Variants in SEMA3A observed in about 807,000 individuals in gnomAD.
The protein encoded by SEMA3A is semaphorin-3A.
SEMA3A carries 29 observed loss-of-function variants against 97.9 expected under a neutral mutation model. That is an observed-to-expected ratio of 0.30 (90% CI 0.22 to 0.40). The LOEUF (loss-of-function observed/expected upper bound fraction) is 0.40, where lower values mean the gene tolerates loss of function less well. SEMA3A is among the 10% of genes least tolerant of loss of function. SEMA3A has a pLI of 1.00. For missense variants in SEMA3A, 763 were observed against 951.3 expected (o/e 0.80, Z 2.60); for synonymous variants, 321 against 323.7 (o/e 0.99, Z 0.09).
At chr7:84,132,689 T>TGAGACGGAG (rs1796001936) in intron 2 of SEMA3A, among the ~76,000 whole-genome samples, 1 of 101,518 alleles carries the variant, frequency 9.9e-6, no homozygotes, top group African/African-American at 3.7e-5. Context: ...TTTTTTTTTT[T>TGAGACGGAG]TTTTGAGACG....
At chr7:84,431,537 A>G (rs1464301079) in intron 1 of SEMA3A, among the ~76,000 whole-genome samples, 3 of 152,040 alleles carry the variant, frequency 2.0e-5, no homozygotes, top group African/African-American at 7.2e-5. Context: ...CTCAATGACT[A>G]AAGCATTTTT....
chr7:84,401,409 TA>T (rs1249815422), intron 1 of SEMA3A, among the ~76,000 whole-genome samples: 1 of 151,318 alleles, frequency 6.6e-6, no homozygotes, highest in Non-Finnish European at 1.5e-5. Context: ...AGAATTGTGT[TA>T]AAATGTTGAT....
At chr7:84,388,716 T>C (rs1009857377) in intron 1 of SEMA3A, among the ~76,000 whole-genome samples, 9 of 152,046 alleles carry the variant, frequency 5.9e-5, no homozygotes, top group Non-Finnish European at 1.2e-4. Flanking sequence ...AGCACAAATA[T>C]GTTTTTAGTA....
intron 1 of SEMA3A, among the ~76,000 whole-genome samples, chr7:84,165,029 G>A (rs1344957250): frequency 6.6e-6 from 1 of 152,020 alleles, no homozygotes; most frequent in Non-Finnish European, 1.5e-5. Context: ...GCAACATGGC[G>A]AAACCCCGTC....
intron 2 of SEMA3A, among the ~76,000 whole-genome samples, chr7:84,132,662 G>GGT (rs1795999108): frequency 3.5e-5 from 3 of 86,630 alleles, no homozygotes; most frequent in African/African-American, 1.2e-4. Context: ...TCGACTTGGT[G>GGT]TTTTTTTTTT....
chr7:84,062,604 T>A (rs1056782470), intron 4 of SEMA3A, among the ~76,000 whole-genome samples: 1 of 152,186 alleles, frequency 6.6e-6, no homozygotes, highest in African/African-American at 2.4e-5. Flanking sequence ...TTGCCTCACT[T>A]GGGAAGCGCA....
At chr7:84,066,189 A>G (rs908458154) in intron 4 of SEMA3A, among the ~76,000 whole-genome samples, 3 of 152,122 alleles carry the variant, frequency 2.0e-5, no homozygotes, top group African/African-American at 2.4e-5. Context: ...ATCGCAATAG[A>G]TGCAGAAAAA....
chr7:84,132,284 G>T (rs1584012819), intron 2 of SEMA3A, among the ~76,000 whole-genome samples: 1 of 152,150 alleles, frequency 6.6e-6, no homozygotes, highest in South Asian at 2.1e-4. Context: ...CACGATTTTG[G>T]ACAAATCATT....
chr7:84,209,683 A>C (rs1373173068), intron 3 of SEMA3A, among the ~76,000 whole-genome samples: 5 of 152,224 alleles, frequency 3.3e-5, no homozygotes, highest in African/African-American at 4.8e-5. Flanking sequence ...TCTTCATGTA[A>C]AACTGTAATT....
intron 4 of SEMA3A, among the ~76,000 whole-genome samples, chr7:84,105,593 C>CT (rs887663292): frequency 6.6e-5 from 10 of 151,096 alleles, no homozygotes; most frequent in East Asian, 1.9e-4. Flanking sequence ...CTGGGCCTGC[C>CT]TTTTTTTTTA....
chr7:84,395,527 T>A (rs1327996751), intron 1 of SEMA3A, among the ~76,000 whole-genome samples: 1 of 152,008 alleles, frequency 6.6e-6, no homozygotes, highest in African/African-American at 2.4e-5. Context: ...CCCACCCAAA[T>A]CTCACCTTGA....
intron 1 of SEMA3A, among the ~76,000 whole-genome samples, chr7:84,135,406 C>T (rs987354246): frequency 2.6e-5 from 4 of 151,924 alleles, no homozygotes; most frequent in Non-Finnish European, 5.9e-5. Context: ...CCAGTGTGCC[C>T]GGCCTGCATT....
At chr7:84,379,251 T>G (rs920176992) in intron 1 of SEMA3A, among the ~76,000 whole-genome samples, 2 of 152,096 alleles carry the variant, frequency 1.3e-5, no homozygotes, top group African/African-American at 4.8e-5. Context: ...AATTATTTAT[T>G]CTAAGTTTTA....
intron 2 of SEMA3A, among the ~76,000 whole-genome samples, chr7:84,332,492 T>G (rs1801931075): frequency 6.6e-6 from 1 of 152,172 alleles, no homozygotes; most frequent in African/African-American, 2.4e-5. Flanking sequence ...CATTCTTTAC[T>G]ATAAGTCTAC....
intron 1 of SEMA3A, among the ~76,000 whole-genome samples, chr7:84,406,750 T>A (rs1299803529): frequency 2.6e-5 from 4 of 152,138 alleles, no homozygotes; most frequent in African/African-American, 9.6e-5. Context: ...GTTCAACATA[T>A]GAAAATCAAT....
intron 9 of SEMA3A, among the ~76,000 whole-genome samples, chr7:84,010,180 T>A (rs1391541554): frequency 1.3e-5 from 2 of 152,122 alleles, no homozygotes; most frequent in African/African-American, 4.8e-5. Flanking sequence ...ACAAAGAGAA[T>A]CTATTTACTG....
intron 1 of SEMA3A, among the ~76,000 whole-genome samples, chr7:84,424,577 T>TATATATTATATATAATATATAAATATTA (rs1804710299): frequency 1.4e-5 from 1 of 72,700 alleles, no homozygotes; most frequent in Non-Finnish European, 2.0e-5. Context: ...TAAATATTAA[T>TATATATTATATATAATATATAAATATTA]ATATATTATA....
chr7:84,409,050 T>A (rs1804188893), intron 1 of SEMA3A, among the ~76,000 whole-genome samples: 1 of 147,954 alleles, frequency 6.8e-6, no homozygotes, highest in Admixed American at 6.8e-5. Flanking sequence ...ATAATAATAA[T>A]AAAAATATAT....
At chr7:84,072,156 G>T (rs2115757272) in intron 4 of SEMA3A, among the ~76,000 whole-genome samples, 1 of 151,800 alleles carries the variant, frequency 6.6e-6, no homozygotes, top group Admixed American at 6.6e-5. Context: ...TGTTATAAAA[G>T]ATTAAAAAAT....
Sources: gnomAD v4.1 joint callset for allele counts (sites outside exome capture counted in the v4.1 genomes callset) on GRCh38, gnomAD v4.1.1 for gene constraint, MANE v1.5 for transcripts, NCBI Gene and HGNC (gene_info 2026-07-23, HGNC 2026-07-21) for gene names.